Variants in GRIK4 observed in about 807,000 individuals in gnomAD.
GRIK4 encodes glutamate receptor ionotropic, kainate 4.
In GRIK4, 40 loss-of-function variants were observed where a neutral mutation model predicts 104.9. The ratio of observed to expected loss-of-function variants is 0.38; its 90% confidence interval spans 0.30 to 0.50. The LOEUF (loss-of-function observed/expected upper bound fraction) is 0.50. Among genes scored for constraint, GRIK4 ranks in the 20% least tolerant of loss-of-function variants. The pLI is 0.93. For missense variants in GRIK4, 1,047 were observed against 1,308.1 expected, an observed-to-expected ratio of 0.80 and a Z score of 3.08; for synonymous variants, 485 against 524.9, an observed-to-expected ratio of 0.92 and a Z score of 1.04.
rs568941354 is a variant in GRIK4 at position 120,846,665 on chromosome 11, C to T, written c.744+9821C>T. 2.6e-4 allele frequency among the ~76,000 whole-genome samples: 40 copies of T among 152,252 alleles called. 1 individual carries two copies. The South Asian group carries it at 7.9e-3, about 30-fold the overall frequency. The stretch of plus-strand genomic sequence containing the variant: ...CTGGACTTTTCAGCATTGGAATTGG[C>T]GTCAGTAGGCCCAGGGTCTTGTTTT... On this transcript the variant is annotated intron_variant, in intron 8 of 20. Transcript: ENST00000527524.
chr11:120,952,560 C>T lies in GRIK4; in HGVS notation c.1591-295C>T, dbSNP rs73007896. On this transcript the variant is annotated intron_variant, in intron 14 of 20. Transcript: ENST00000527524. The surrounding 1 kb of genome is among the most constrained non-coding windows in gnomAD (Gnocchi z 5.2). ...CGATGGAGGACACAGGGTGGTACTT[C>T]GGGGCACTGAGGGTTGTTCCTCTTT... 0.23 allele frequency among the ~76,000 whole-genome samples: 35,319 copies of T among 152,070 alleles called. 4,330 individuals are homozygous for T. Among genetic ancestry groups the T allele is most frequent in the East Asian group, 0.36 (1,833 of 5,148 alleles).
intron 3 of GRIK4, among the ~76,000 whole-genome samples, chr11:120,721,666 G>A (rs1459703180): frequency 6.6e-6 from 1 of 152,156 alleles, no homozygotes; most frequent in Non-Finnish European, 1.5e-5. Flanking sequence ...CTGGCCCGGG[G>A]TGATTAGGGC....
chr11:120,844,886 A>G (rs1367171406), intron 8 of GRIK4, among the ~76,000 whole-genome samples: 1 of 152,182 alleles, frequency 6.6e-6, no homozygotes, highest in East Asian at 1.9e-4. Context: ...AAGAATGATC[A>G]CTGAGGCAGG....
rs558058076 is a variant in GRIK4, at chr11:120,540,569, G to A, written c.-159+28682G>A. Among the ~76,000 whole-genome samples the A allele has an allele frequency of 2.5e-4, 38 of 152,168 alleles. 1 individual carries two copies. The highest frequency in any genetic ancestry group is 5.8e-4 in the East Asian group (3 of 5,164). On this transcript the variant is annotated intron_variant, in intron 1 of 20. Coordinates refer to ENST00000527524, the MANE Select transcript of GRIK4 (RefSeq NM_014619.5). ...ATGGAGGTTGCAGTGAGCAGAGATC[G>A]TGCCACTGCGCCCCAGTCTAGGCAA... is the stretch of plus-strand genomic sequence containing the variant.
At position 120,962,647 on chromosome 11, in the gene GRIK4, G is replaced by T. The variant is rs779875918; in HGVS notation, c.2232G>T (p.Leu744=). 6.2e-7 allele frequency: 1 copy of T among 1,613,962 alleles called. No individual in the cohort carries two copies. The highest frequency in any genetic ancestry group is 2.2e-5 in the East Asian group (1 of 44,876). The change falls in exon 18 of 21, where the codon CTG becomes CTT. Residue 744 remains leucine (L), a synonymous_variant. Coordinates refer to ENST00000527524, the MANE Select transcript of GRIK4 (RefSeq NM_014619.5). ...NCNLTQIGGL[L]DTKGYGIGMP... Reference sequence around the variant, plus strand: ...ACCTCACTCAGATTGGGGGCCTGCTGGACACCAAGGGCTATGGGATTGGCA... The same window carrying T: ...ACCTCACTCAGATTGGGGGCCTGCTTGACACCAAGGGCTATGGGATTGGCA...
At chr11:120,762,812 T>C (rs1392115572) in intron 3 of GRIK4, among the ~76,000 whole-genome samples, 4 of 152,208 alleles carry the variant, frequency 2.6e-5, no homozygotes. Flanking sequence ...TGGATAAGCT[T>C]CTTGATGTGC....
At chr11:120,910,984 AG>A (rs1942977756) in intron 13 of GRIK4, among the ~76,000 whole-genome samples, 2 of 152,156 alleles carry the variant, frequency 1.3e-5, no homozygotes, top group African/African-American at 4.8e-5. Context: ...GGGGCCATGA[AG>A]GTGCAGGGGT....
At chr11:120,615,109 G>A (rs1427985958) in intron 1 of GRIK4, among the ~76,000 whole-genome samples, 1 of 152,224 alleles carries the variant, frequency 6.6e-6, no homozygotes, top group Non-Finnish European at 1.5e-5. Context: ...TGCTTTTTCT[G>A]TGTATCTCAT....
rs375508071 is a variant in GRIK4, at chr11:120,957,625, G to GTGTGTA, written c.1874+673_1874+674insGTGTAT. Among the ~76,000 whole-genome samples the GTGTGTA allele has an allele frequency of 2.7e-3, 397 of 144,630 alleles. 4 individuals are homozygous for GTGTGTA. Among genetic ancestry groups the GTGTGTA allele is most frequent in the African/African-American group, 9.2e-3 (354 of 38,606 alleles). 94.9% of individuals were successfully genotyped at this position (144,630 alleles called of 152,430 possible). A position where few individuals can be genotyped will look rare whatever the true frequency, so the allele number is the denominator to read the frequency against. ...TGTGTGTGTGTGTGTGTGTGTGTGTGTAGCCTAGAGAGGCAAGTTTGCAGA... is the reference window on the plus strand; with the variant it reads ...TGTGTGTGTGTGTGTGTGTGTGTGTGTGTGTATAGCCTAGAGAGGCAAGTTTGCAGA... On this transcript the variant is annotated intron_variant, in intron 16 of 20. Transcript: ENST00000527524.
At chr11:120,551,943 A>AGCCCTGCGGCCCTTCC (rs998958132) in intron 1 of GRIK4, among the ~76,000 whole-genome samples, 8 of 152,188 alleles carry the variant, frequency 5.3e-5, no homozygotes, top group African/African-American at 1.9e-4. Flanking sequence ...AGGGCATATA[A>AGCCCTGCGGCCCTTCC]GCCCTGCGGC....
At chr11:120,930,184 G>A (rs1943455065) in intron 13 of GRIK4, among the ~76,000 whole-genome samples, 1 of 152,182 alleles carries the variant, frequency 6.6e-6, no homozygotes, top group Non-Finnish European at 1.5e-5. Context: ...CTAGCTGCGT[G>A]TATTTGAGCA....
chr11:120,712,642 T>C (rs1950757527), intron 3 of GRIK4, among the ~76,000 whole-genome samples: 1 of 150,996 alleles, frequency 6.6e-6, no homozygotes, highest in Non-Finnish European at 1.5e-5. Flanking sequence ...AAAAAAAAAC[T>C]TCTACTTAAA....
chr11:120,881,488 T>G (rs957541337), intron 11 of GRIK4, among the ~76,000 whole-genome samples: 2 of 152,170 alleles, frequency 1.3e-5, no homozygotes, highest in Non-Finnish European at 2.9e-5. Context: ...CAGCCAGACT[T>G]TTGTTTTCCA....
In GRIK4 at chr11:120,862,080, G is replaced by C; in HGVS notation, c.866G>C (p.Trp289Ser). The stretch of plus-strand genomic sequence containing the variant: ...TTTGCCCAGAGCCTCAACCAGTCCT[G>C]GCAGGAGAACTGTGACCATGTGCCC... ...QEFAQSLNQS[W>S]QENCDHVPFT... The change falls in exon 9 of 21, where the codon TGG (tryptophan) becomes TCG (serine). Residue 289 changes from tryptophan (W) to serine (S), a missense_variant. This residue lies in a region of GRIK4 where 447 missense variants were observed against 514.9 expected (regional missense o/e 0.87). Transcript: ENST00000527524. The C allele has an allele frequency of 6.2e-7, 1 of 1,614,170 alleles. No homozygotes were observed. Among genetic ancestry groups the C allele is most frequent in the Non-Finnish European group, 8.5e-7 (1 of 1,179,992 alleles).
chr11:120,937,387 A>C (rs1943620806), intron 13 of GRIK4, among the ~76,000 whole-genome samples: 2 of 152,186 alleles, frequency 1.3e-5, no homozygotes. Context: ...TGATTGGAAT[A>C]ATCTGATCCC....
intron 8 of GRIK4, among the ~76,000 whole-genome samples, chr11:120,852,661 A>G (rs1050044016): frequency 9.2e-5 from 14 of 152,364 alleles, no homozygotes; most frequent in African/African-American, 3.1e-4. Flanking sequence ...TACTGTCTTC[A>G]AAGACCTACA....
rs1042858348 is a variant in GRIK4 at position 120,690,340 on chromosome 11, G to A, written c.82+29940G>A. ...GCTTGATGTTCGAGAATGATCTTTT[G>A]TGTGGGCTTGTGCTTCTAGGCACAT... On this transcript the variant is annotated intron_variant, in intron 3 of 20. Transcript: ENST00000527524. Among the ~76,000 whole-genome samples the A allele has an allele frequency of 6.6e-5, 10 of 152,212 alleles. 1 individual carries two copies. Among genetic ancestry groups the A allele is most frequent in the African/African-American group, 2.4e-4 (10 of 41,454 alleles).
chr11:120,650,980 A>T (rs538243218), intron 1 of GRIK4, among the ~76,000 whole-genome samples: 1 of 152,212 alleles, frequency 6.6e-6, no homozygotes, highest in Non-Finnish European at 1.5e-5. Flanking sequence ...TGATGGGTCC[A>T]AGGTCACGCA....
chr11:120,638,722 C>G (rs1243450693), intron 1 of GRIK4, among the ~76,000 whole-genome samples: 1 of 151,916 alleles, frequency 6.6e-6, no homozygotes, highest in Non-Finnish European at 1.5e-5. Flanking sequence ...CGTGATCCGC[C>G]CGTCTCGGCC....
Sources: gnomAD v4.1 joint callset for allele counts (sites outside exome capture counted in the v4.1 genomes callset) on GRCh38, gnomAD v4.1.1 for gene constraint, gnomAD v4.1.1 regional missense constraint, Gnocchi (gnomAD v3.1) non-coding constraint, MANE v1.5 for transcripts, NCBI Gene and HGNC (gene_info 2026-07-23, HGNC 2026-07-21) for gene names.